The following PLOD2 variants were observed in gnomAD, a reference collection of about 807,000 sequenced individuals.
PLOD2 encodes the protein procollagen-lysine,2-oxoglutarate 5-dioxygenase 2.
PLOD2 carries 65 observed loss-of-function variants against 101.0 expected under a neutral mutation model. The ratio of observed to expected loss-of-function variants is 0.64; its 90% CI spans 0.53 to 0.79. PLOD2 has a LOEUF of 0.79. Among genes scored for constraint, PLOD2 ranks in the 30% least tolerant of loss-of-function variants. The pLI is 0.00. For missense variants in PLOD2, 909 were observed against 914.6 expected (o/e 0.99, Z 0.08); for synonymous variants, 314 against 302.9 (o/e 1.04, Z -0.38).
chr3:146,150,466 A>G (rs1164625625), intron 1 of PLOD2, among the ~76,000 whole-genome samples: 1 of 152,176 alleles, frequency 6.6e-6, no homozygotes, highest in Non-Finnish European at 1.5e-5. Context: ...TTAGCAAACT[A>G]ACACAGGAAC....
intron 3 of PLOD2, among the ~76,000 whole-genome samples, chr3:146,112,723 C>T (rs1027623585): frequency 7.3e-5 from 11 of 151,658 alleles, no homozygotes; most frequent in Admixed American, 1.3e-4. Context: ...TGGTGATGTG[C>T]GCCTGTAATC....
chr3:146,116,951 C>T (rs1052992728), intron 3 of PLOD2, among the ~76,000 whole-genome samples: 26 of 152,106 alleles, frequency 1.7e-4, no homozygotes, highest in Non-Finnish European at 3.2e-4. Flanking sequence ...GGAAGGAATG[C>T]GACAAAATTG....
intron 2 of PLOD2, among the ~76,000 whole-genome samples, chr3:146,123,621 G>A (rs556299608): frequency 3.3e-5 from 5 of 151,872 alleles, no homozygotes; most frequent in South Asian, 2.1e-4. Flanking sequence ...ATCATCCTAC[G>A]ATAGCAAAAC....
intron 3 of PLOD2, among the ~76,000 whole-genome samples, chr3:146,112,021 T>C (rs778874184): frequency 1.3e-5 from 2 of 152,114 alleles, no homozygotes; most frequent in Non-Finnish European, 2.9e-5. Context: ...TGTCAGAGCA[T>C]CTTACGATTG....
In PLOD2 at chr3:146,088,721, A is replaced by G. The variant is rs774140606; in HGVS notation, c.880-10T>C. 6.3e-7 allele frequency: 1 copy of G among 1,595,202 alleles called. No individual in the cohort carries two copies. Among genetic ancestry groups the G allele is most frequent in the South Asian group, 1.1e-5 (1 of 90,112 alleles). ...ATACGTTTGGATGGACCTTTGTTTTACACCAAACATAAAAATAAAATTATC... is the reference window on the plus strand; with the variant it reads ...ATACGTTTGGATGGACCTTTGTTTTGCACCAAACATAAAAATAAAATTATC... On this transcript the variant is annotated splice_polypyrimidine_tract_variant and intron_variant, in intron 8 of 19. Coordinates refer to ENST00000282903, the MANE Select transcript of PLOD2 (RefSeq NM_182943.3).
intron 7 of PLOD2, among the ~76,000 whole-genome samples, chr3:146,100,687 A>T (rs996681877): frequency 2.0e-5 from 3 of 152,142 alleles, no homozygotes; most frequent in Non-Finnish European, 2.9e-5. Flanking sequence ...AGAGGGAGAA[A>T]GGAGAAGAAA....
intron 1 of PLOD2, among the ~76,000 whole-genome samples, chr3:146,141,643 G>A (rs1055132669): frequency 7.2e-5 from 11 of 152,066 alleles, no homozygotes; most frequent in African/African-American, 2.7e-4. Flanking sequence ...TGAAGAGAAT[G>A]TAAACCTAAT....
chr3:146,106,808 C>T (rs981598217), intron 4 of PLOD2, among the ~76,000 whole-genome samples, 164 bp from the exon 5 acceptor site: 1 of 152,110 alleles, frequency 6.6e-6, no homozygotes, highest in Non-Finnish European at 1.5e-5. Context: ...TTATTGAGTG[C>T]CCCTTGTTTT....
At chr3:146,154,056 C>T (rs1394831823) in intron 1 of PLOD2, among the ~76,000 whole-genome samples, 3 of 152,046 alleles carry the variant, frequency 2.0e-5, no homozygotes, top group Non-Finnish European at 2.9e-5. Flanking sequence ...ATATTAAAAT[C>T]AATAAACTAT....
In PLOD2 at chr3:146,110,329, T is replaced by C; in HGVS notation, c.458A>G (p.Lys153Arg). Residue 153 changes from lysine (K) to arginine (R), a missense_variant, in exon 4 of 20, where the codon AAG becomes AGG. Physicochemically the swap from Lys to Arg is conservative, Grantham distance 26. Transcript: ENST00000282903. ...TTTCCCAATGTGCACAACAGGATACTTGTCTGCTAGTCTTTTATCTGGCCA... is the reference window on the plus strand; with the variant it reads ...TTTCCCAATGTGCACAACAGGATACCTGTCTGCTAGTCTTTTATCTGGCCA... ...ILWPDKRLADKYPVVHIGKRY... is the reference protein window; with the variant it reads ...ILWPDKRLADRYPVVHIGKRY... 6.2e-7 allele frequency: 1 copy of C among 1,613,902 alleles called. No individual in the cohort carries two copies. The highest frequency in any genetic ancestry group is 8.5e-7 in the Non-Finnish European group (1 of 1,179,854).
intron 3 of PLOD2, among the ~76,000 whole-genome samples, chr3:146,111,786 C>G (rs1164348492): frequency 1.3e-5 from 2 of 151,482 alleles, no homozygotes; most frequent in Non-Finnish European, 2.9e-5. Flanking sequence ...CTAAGTACAA[C>G]TGATTTCCTC....
chr3:146,084,892 T>A (rs1281677468), intron 11 of PLOD2, among the ~76,000 whole-genome samples: 1 of 152,120 alleles, frequency 6.6e-6, no homozygotes, highest in South Asian at 2.1e-4. Flanking sequence ...AATTTTAGTA[T>A]CAGATGTATC....
intron 1 of PLOD2, among the ~76,000 whole-genome samples, chr3:146,145,855 G>C (rs2031749650): frequency 6.6e-6 from 1 of 152,052 alleles, no homozygotes; most frequent in South Asian, 2.1e-4. Flanking sequence ...TTTACTGAAA[G>C]TTATAGGGTG....
rs577416129 is a variant in PLOD2 at position 146,152,399 on chromosome 3, G to A, written c.109+8482C>T. On this transcript the variant is annotated intron_variant, in intron 1 of 19. Coordinates refer to ENST00000282903, the MANE Select transcript of PLOD2 (RefSeq NM_182943.3). Reference sequence around the variant, plus strand: ...TGCACCACTCCACTCCAGTCTGGACGACAGAGCAAGACTCCGTCTCAAAAA... The same window carrying A: ...TGCACCACTCCACTCCAGTCTGGACAACAGAGCAAGACTCCGTCTCAAAAA... Among the ~76,000 whole-genome samples, 3 of 152,000 alleles carry A rather than the reference G, an allele frequency of 2.0e-5. No individual in the cohort carries two copies. In the South Asian group the frequency reaches 6.2e-4, roughly 32 times the overall value.
intron 7 of PLOD2, among the ~76,000 whole-genome samples, chr3:146,096,116 T>C (rs1313947684): frequency 6.7e-6 from 1 of 150,370 alleles, no homozygotes. Flanking sequence ...CTCCAGCTCC[T>C]AACTGCGAGT....
chr3:146,152,735 T>A (rs1199411181), intron 1 of PLOD2, among the ~76,000 whole-genome samples: 1 of 152,162 alleles, frequency 6.6e-6, no homozygotes, highest in Non-Finnish European at 1.5e-5. Context: ...CTTCTTTGAT[T>A]TGCTCAGTTT....
chr3:146,085,061 T>C (rs1936706130), intron 11 of PLOD2, 108 bp downstream of exon 11: 1 of 637,340 alleles, frequency 1.6e-6, no homozygotes, highest in Non-Finnish European at 2.8e-6. Flanking sequence ...CTGTAGAACA[T>C]AACTAAGTTC....
chr3:146,110,366 C>A lies in PLOD2; in HGVS notation c.421G>T (p.Asp141Tyr), dbSNP rs778362049. The stretch of plus-strand genomic sequence containing the variant: ...CTTTTATCTGGCCACAAAATTCCAT[C>A]TGCTGCAAAGACCACTTTGTGGTTT... ...KANHKVVFAADGILWPDKRLA... is the reference protein window; with the variant it reads ...KANHKVVFAAYGILWPDKRLA... The change falls in exon 4 of 20, where the codon GAT becomes TAT. Residue 141 changes from aspartate (D) to tyrosine (Y), a missense_variant. By Grantham distance (160) the Asp-to-Tyr change is radical (BLOSUM62 -3). Coordinates refer to ENST00000282903, the MANE Select transcript of PLOD2 (RefSeq NM_182943.3). 1.1e-5 allele frequency: 18 copies of A among 1,613,744 alleles called. No individual in the cohort carries two copies. In the South Asian group the frequency reaches 2.0e-4, roughly 18 times the overall value.
intron 1 of PLOD2, among the ~76,000 whole-genome samples, chr3:146,153,605 C>G (rs890117155): frequency 6.6e-6 from 1 of 152,090 alleles, no homozygotes; most frequent in Admixed American, 6.6e-5. Context: ...CAGGCCAGAT[C>G]GATGCCCTAG....
Sources: allele counts gnomAD v4.1 joint callset (sites outside exome capture counted in the v4.1 genomes callset), GRCh38; gene constraint gnomAD v4.1.1; transcripts MANE v1.5; gene names NCBI Gene and HGNC (gene_info 2026-07-23, HGNC 2026-07-21).